The following NRG1 variants were observed in gnomAD, a reference collection of about 807,000 sequenced individuals.
NRG1 encodes neuregulin 1.
NRG1 carries 18 observed loss-of-function variants against 63.8 expected under a neutral mutation model. That is an observed-to-expected ratio of 0.28 (90% confidence interval 0.19 to 0.42). The LOEUF (loss-of-function observed/expected upper bound fraction) is 0.42. Ranked by LOEUF, NRG1 falls within the 10% of genes least tolerant of loss-of-function variation. NRG1 has a pLI of 1.00. For missense variants in NRG1, 762 were observed against 814.7 expected, an observed-to-expected ratio of 0.94 and a Z score of 0.79; for synonymous variants, 302 against 301.3, an observed-to-expected ratio of 1.00 and a Z score of -0.02.
At chr8:32,471,699 G>C (rs539416721) in intron 1 of NRG1, among the ~76,000 whole-genome samples, 1 of 152,154 alleles carries the variant, frequency 6.6e-6, no homozygotes, top group Non-Finnish European at 1.5e-5. Context: ...TATAACATTT[G>C]TAATGTTCAA....
At chr8:32,576,927 T>C (rs1485511840) in intron 1 of NRG1, among the ~76,000 whole-genome samples, 1 of 152,160 alleles carries the variant, frequency 6.6e-6, no homozygotes, top group Non-Finnish European at 1.5e-5. Flanking sequence ...ACCCAGATAC[T>C]GAGCATAGTA....
Position 32,009,026 on chromosome 8 carries a change from C to T in NRG1, c.37+369595C>T, listed in dbSNP as rs1814277216. On this transcript the variant is annotated intron_variant, in intron 1 of 10. Transcript: ENST00000519301. ...TGTACTCACTTCAGCACAGGTGAAC[C>T]TGTTGATGACTTCCAGGTCTAAATA... is the stretch of plus-strand genomic sequence containing the variant. Among the ~76,000 whole-genome samples the T allele has an allele frequency of 2.6e-5, 4 of 152,076 alleles. No individual in the cohort carries two copies. In the South Asian group the frequency reaches 8.3e-4, roughly 31 times the overall value.
chr8:32,058,311 T>A (rs1823299573), intron 1 of NRG1, among the ~76,000 whole-genome samples: 1 of 152,014 alleles, frequency 6.6e-6, no homozygotes, highest in South Asian at 2.1e-4. Context: ...TATATAAAAG[T>A]TATACATAGC....
At chr8:32,716,778 T>C (rs1371847665) in intron 5 of NRG1, among the ~76,000 whole-genome samples, 2 of 149,988 alleles carry the variant, frequency 1.3e-5, no homozygotes, top group African/African-American at 4.9e-5. Context: ...AACAACTGCA[T>C]GATGTGTGTG....
At chr8:32,636,946 G>T (rs1442707098) in intron 5 of NRG1, among the ~76,000 whole-genome samples, 1 of 152,078 alleles carries the variant, frequency 6.6e-6, no homozygotes, top group Non-Finnish European at 1.5e-5. Flanking sequence ...TAAGCAAGTG[G>T]AGGTTACTAA....
At chr8:32,212,377 T>C (rs536110024) in intron 1 of NRG1, among the ~76,000 whole-genome samples, 58 of 152,346 alleles carry the variant, frequency 3.8e-4, no homozygotes, top group Non-Finnish European at 5.3e-4. Flanking sequence ...TCTGGTTTGT[T>C]CATGGCAGCA....
At chr8:31,978,326 G>A (rs972804825) in intron 1 of NRG1, among the ~76,000 whole-genome samples, 1 of 152,030 alleles carries the variant, frequency 6.6e-6, no homozygotes, top group Non-Finnish European at 1.5e-5. Context: ...AAGTCATAAA[G>A]TCAGGCTTCT....
intron 1 of NRG1, among the ~76,000 whole-genome samples, chr8:31,906,049 C>T (rs1420008416): frequency 1.3e-5 from 2 of 152,304 alleles, no homozygotes; most frequent in African/African-American, 4.8e-5. Context: ...CTTAAAATAA[C>T]AAGCATTTAT....
At chr8:31,799,776 GT>G (rs1471750530) in intron 1 of NRG1, among the ~76,000 whole-genome samples, 1 of 151,844 alleles carries the variant, frequency 6.6e-6, no homozygotes, top group Non-Finnish European at 1.5e-5. Context: ...ACATATATAT[GT>G]TTTTTGTTTT....
At chr8:32,411,412 C>T (rs1050166897) in intron 1 of NRG1, among the ~76,000 whole-genome samples, 1 of 152,212 alleles carries the variant, frequency 6.6e-6, no homozygotes, top group Non-Finnish European at 1.5e-5. Context: ...AATGGCACTT[C>T]AAAATCCACC....
At chr8:31,715,256 C>CA (rs1231711553) in intron 1 of NRG1, among the ~76,000 whole-genome samples, 2 of 151,944 alleles carry the variant, frequency 1.3e-5, no homozygotes, top group African/African-American at 4.8e-5. Flanking sequence ...GGAAACAAGA[C>CA]AAAGTTTCTT....
At chr8:32,740,804 C>G (rs1044286467) in intron 6 of NRG1, among the ~76,000 whole-genome samples, 4 of 152,080 alleles carry the variant, frequency 2.6e-5, no homozygotes, top group African/African-American at 9.7e-5. Context: ...TAACAAGGAA[C>G]AGTTTTGTTC....
chr8:32,213,946 A>C (rs1261538333), intron 1 of NRG1, among the ~76,000 whole-genome samples: 1 of 152,176 alleles, frequency 6.6e-6, no homozygotes, highest in African/African-American at 2.4e-5. Context: ...ATGACAAGAC[A>C]AAGGAACGAA....
chr8:32,651,527 A>T (rs1855123020), intron 5 of NRG1, among the ~76,000 whole-genome samples: 1 of 152,164 alleles, frequency 6.6e-6, no homozygotes, highest in South Asian at 2.1e-4. Context: ...TATAGCCAGG[A>T]AACAGTGGTA....
intron 1 of NRG1, among the ~76,000 whole-genome samples, chr8:31,893,534 T>C (rs1172050618): frequency 6.6e-6 from 1 of 151,522 alleles, no homozygotes; most frequent in African/African-American, 2.4e-5. Flanking sequence ...ATGTGGTAGA[T>C]GATTAATATA....
At chr8:32,029,422 A>C (rs772688266) in intron 1 of NRG1, 5 of 152,204 alleles carry the variant, frequency 3.3e-5, no homozygotes, top group Non-Finnish European at 7.3e-5. Context: ...AGGAGCTCCC[A>C]GGCTGCAATG....
chr8:31,944,847 T>C (rs1007164321), intron 1 of NRG1, among the ~76,000 whole-genome samples: 7 of 152,318 alleles, frequency 4.6e-5, no homozygotes, highest in Middle Eastern at 3.4e-3. Context: ...ACCAGCTGTA[T>C]GTAGTGTTTA....
At chr8:32,437,900 T>A (rs527843821) in intron 1 of NRG1, among the ~76,000 whole-genome samples, 47 of 152,320 alleles carry the variant, frequency 3.1e-4, no homozygotes, top group Non-Finnish European at 4.4e-4. Context: ...TATATTCAGA[T>A]ATTATGTTGT....
intron 1 of NRG1, among the ~76,000 whole-genome samples, chr8:31,722,978 C>A (rs1813072108): frequency 6.6e-6 from 1 of 152,082 alleles, no homozygotes; most frequent in South Asian, 2.1e-4. Context: ...TAGTTAGAAT[C>A]ATTTTAAGAA....
Sources: gnomAD v4.1 joint callset for allele counts (sites outside exome capture counted in the v4.1 genomes callset) on GRCh38, gnomAD v4.1.1 for gene constraint, MANE v1.5 for transcripts, NCBI Gene and HGNC (gene_info 2026-07-23, HGNC 2026-07-21) for gene names.